Variants in RELA observed in about 807,000 individuals in gnomAD.
RELA encodes the protein RELA proto-oncogene, NF-kB subunit.
A neutral mutation model predicts 56.7 loss-of-function variants in RELA; 14 were observed. The observed-to-expected ratio is 0.25, with a 90% CI of 0.16 to 0.39. The LOEUF (loss-of-function observed/expected upper bound fraction) is 0.39. Among genes scored for constraint, RELA ranks in the 10% least tolerant of loss-of-function variants. RELA has a pLI of 1.00. For synonymous variants in RELA, 315 were observed against 289.7 expected, an observed-to-expected ratio of 1.09 and a Z score of -0.89; for missense variants, 559 against 736.4, an observed-to-expected ratio of 0.76 and a Z score of 2.79.
In RELA at chr11:65,658,370, G is replaced by A; in HGVS notation, c.794C>T (p.Pro265Leu). 1 of 1,613,886 alleles carries A rather than the reference G, an allele frequency of 6.2e-7. No individual in the cohort carries two copies. The highest frequency in any genetic ancestry group is 8.5e-7 in the Non-Finnish European group (1 of 1,179,936). Residue 265 changes from proline (P) to leucine (L), a missense_variant, in exon 8 of 11, where the codon CCT (proline) becomes CTT (leucine). Transcript: ENST00000406246. This position sits in a 1 kb window ranked among gnomAD's most constrained non-coding sequence, Gnocchi z 4.5. ...PPYADPSLQA[P>L]VRVSMQLRRP... is the part of the protein sequence containing the mutation. Reference sequence around the variant, plus strand: ...CCGCAGCTGCATGGAGACACGCACAGGAGCCTGCAGGCTGGGGTCTGCGTA... The same window carrying A: ...CCGCAGCTGCATGGAGACACGCACAAGAGCCTGCAGGCTGGGGTCTGCGTA...
chr11:65,654,950 C>A lies in RELA; in HGVS notation c.1084G>T (p.Glu362Ter). The change falls in exon 11 of 11, where the codon GAG becomes TAG. Residue 362 changes from glutamate (E) to a stop codon, truncating the protein, a stop_gained. Coordinates refer to ENST00000406246, the MANE Select transcript of RELA (RefSeq NM_021975.4). LOFTEE classifies it high-confidence loss of function. ...GAAGGAAACACCATGGTGGGAAACT[C>A]ATCATAGTTGATGGTGCTCAGGGAT... ...TSSLSTINYDEFPTMVFPSGQ... is the reference protein window; with the variant it reads ...TSSLSTINYD 6.2e-7 allele frequency: 1 copy of A among 1,604,496 alleles called. No homozygotes were observed. The highest frequency in any genetic ancestry group is 1.7e-5 in the Admixed American group (1 of 58,104).
chr11:65,655,137 C>T lies in RELA; in HGVS notation c.1034-137G>A, dbSNP rs1856389761. 4.2e-6 allele frequency: 3 copies of T among 714,790 alleles called. No individual in the cohort carries two copies. The South Asian group carries it at 5.3e-5, about 13-fold the overall frequency. The allele number at this position is 714,790 out of a possible 1,614,324, so 44.3% of individuals were successfully genotyped here. ...GTCACTGCCAACACCCTATCTCCTT[C>T]CTCTTACCCCATCTGACCCAGCCTG... On this transcript the variant is annotated intron_variant, in intron 10 of 10. Transcript: ENST00000406246.
chr11:65,658,987 A>C lies in RELA; in HGVS notation c.560-165T>G, dbSNP rs1856497373. 6.6e-6 allele frequency among the ~76,000 whole-genome samples: 1 copy of C among 152,154 alleles called. No homozygotes were observed. Among genetic ancestry groups the C allele is most frequent in the Admixed American group, 6.5e-5 (1 of 15,268 alleles). ...GACCTTCTTATTAGCTCCTCACCCCAACCGATTCAACAAGTATTTGCCTAC... is the reference window on the plus strand; with the variant it reads ...GACCTTCTTATTAGCTCCTCACCCCCACCGATTCAACAAGTATTTGCCTAC... On this transcript the variant is annotated intron_variant, in intron 6 of 10. Coordinates refer to ENST00000406246, the MANE Select transcript of RELA (RefSeq NM_021975.4). This position sits in a 1 kb window ranked among gnomAD's most constrained non-coding sequence, Gnocchi z 4.5.
At chr11:65,661,649 C>T in intron 4 of RELA, 38 bp downstream of exon 4, 3 of 1,531,078 alleles carry the variant, frequency 2.0e-6, no homozygotes, top group South Asian at 1.2e-5. Flanking sequence ...CGCCTCCTGT[C>T]CCCTCATGCT....
At position 65,654,438 on chromosome 11, in the gene RELA, T is replaced by A. The variant is rs754755213; in HGVS notation, c.1596A>T (p.Glu532Asp). 61 of 1,610,746 alleles carry A rather than the reference T, an allele frequency of 3.8e-5. No homozygotes were observed. The highest frequency in any genetic ancestry group is 5.2e-5 in the Non-Finnish European group (61 of 1,178,688). Reference protein sequence around the residue: ...GLPNGLLSGDEDFSSIADMDF... With the variant: ...GLPNGLLSGDDDFSSIADMDF... ...CCATGTCCGCAATGGAGGAGAAGTC[T>A]TCATCTCCTGAAAGGAGGCCATTGG... Residue 532 changes from glutamate (E) to aspartate (D), a missense_variant, in exon 11 of 11, where the codon GAA (glutamate) becomes GAT (aspartate). By Grantham distance (45) the Glu-to-Asp change is conservative. Transcript: ENST00000406246.
In RELA at chr11:65,661,674, G is replaced by A. The variant is rs1312554893; in HGVS notation, c.335+13C>T. The A allele has an allele frequency of 1.3e-6, 2 of 1,567,036 alleles. No individual in the cohort carries two copies. The highest frequency in any genetic ancestry group is 8.7e-7 in the Non-Finnish European group (1 of 1,152,876). Reference sequence around the variant, plus strand: ...CCCCTCATGCTGGGCCTCCTAGCCTGCAGGGACCTCACCTGTGGATGCAGC... The same window carrying A: ...CCCCTCATGCTGGGCCTCCTAGCCTACAGGGACCTCACCTGTGGATGCAGC... On this transcript the variant is annotated intron_variant, in intron 4 of 10. Coordinates refer to ENST00000406246, the MANE Select transcript of RELA (RefSeq NM_021975.4).
chr11:65,663,256 G>C (rs1013982901), upstream of RELA, among the ~76,000 whole-genome samples: 6 of 152,048 alleles, frequency 3.9e-5, no homozygotes, highest in Non-Finnish European at 7.4e-5. Flanking sequence ...AGCAAAGCCA[G>C]GGCTACTGGG....
intron 10 of RELA, 74 bp from the exon 11 acceptor site, chr11:65,655,074 CCT>C: frequency 8.3e-7 from 1 of 1,206,496 alleles, no homozygotes; most frequent in Admixed American, 2.0e-5. Context: ...TACCCCAGCC[CCT>C]CTTCATGGTG....
At position 65,653,982 on chromosome 11, in the gene RELA, C is replaced by T. The variant is rs1397931858; in HGVS notation, c.*396G>A. 1 of 310,500 alleles carries T rather than the reference C, an allele frequency of 3.2e-6. No individual in the cohort carries two copies. The highest frequency in any genetic ancestry group is 6.2e-6 in the Non-Finnish European group (1 of 161,822). The allele number at this position is 310,500 out of a possible 1,614,324, so 19.2% of individuals were successfully genotyped here. On this transcript the variant is annotated 3_prime_UTR_variant, in exon 11 of 11. Coordinates refer to ENST00000406246, the MANE Select transcript of RELA (RefSeq NM_021975.4). ...TTATTTTGATTAAGCTGTAATGAAT[C>T]CATGATGGAAGACACTTGATAAGGC...
chr11:65,660,398 GTGCCCC>G (rs1193382992), intron 4 of RELA, 183 bp from the exon 5 acceptor site: 1 of 617,198 alleles, frequency 1.6e-6, no homozygotes, highest in Non-Finnish European at 2.9e-6. Flanking sequence ...AAGCACCTCC[GTGCCCC>G]TGCCCCTGCC....
At position 65,655,928 on chromosome 11, in the gene RELA, A is replaced by T; in HGVS notation, c.885T>A (p.Arg295=). ...TTTTACGTTTCTCCTCAATCCGGTG[A>T]CGATCGTCTGGGAAAGTAAGGGGGA... ...EFQYLPDTDD[R]HRIEEKRKRT... is the part of the protein sequence containing the mutation. Residue 295 remains arginine (R), a synonymous_variant, in exon 9 of 11, where the codon CGT becomes CGA. Coordinates refer to ENST00000406246, the MANE Select transcript of RELA (RefSeq NM_021975.4). 1 of 1,613,980 alleles carries T rather than the reference A, an allele frequency of 6.2e-7. No homozygotes were observed. The highest frequency in any genetic ancestry group is 1.3e-5 in the African/African-American group (1 of 74,984).
intron 8 of RELA, 109 bp from the exon 9 acceptor site, chr11:65,656,044 T>C (rs1267348929): frequency 2.3e-6 from 2 of 881,850 alleles, no homozygotes; most frequent in East Asian, 5.0e-5. Flanking sequence ...CCAAGACCCA[T>C]TCTCCCAACC....
At chr11:65,662,325 G>T in intron 1 of RELA, 120 bp from the exon 2 acceptor site, 1 of 1,231,792 alleles carries the variant, frequency 8.1e-7, no homozygotes, top group Non-Finnish European at 1.1e-6. Context: ...GTCAGGACCT[G>T]CTCCCTAGAA....
rs374605673 is a variant in RELA, at chr11:65,655,933, C to G, written c.880G>C (p.Asp294His). 1 of 1,614,038 alleles carries G rather than the reference C, an allele frequency of 6.2e-7. No individual in the cohort carries two copies. Residue 294 changes from aspartate (D) to histidine (H), a missense_variant and splice_region_variant, in exon 9 of 11, where the codon GAT (aspartate) becomes CAT (histidine). Transcript: ENST00000406246. ...MEFQYLPDTD[D>H]RHRIEEKRKR... Reference sequence around the variant, plus strand: ...CGTTTCTCCTCAATCCGGTGACGATCGTCTGGGAAAGTAAGGGGGAGAAGT... The same window carrying G: ...CGTTTCTCCTCAATCCGGTGACGATGGTCTGGGAAAGTAAGGGGGAGAAGT...
At position 65,659,814 on chromosome 11, in the gene RELA, CG is replaced by C. The variant is rs1856519193; in HGVS notation, c.428-18del. 1 of 1,603,288 alleles carries C rather than the reference CG, an allele frequency of 6.2e-7. No homozygotes were observed. Among genetic ancestry groups the C allele is most frequent in the Admixed American group, 1.7e-5 (1 of 58,798 alleles). On this transcript the variant is annotated intron_variant, in intron 5 of 10. Coordinates refer to ENST00000406246, the MANE Select transcript of RELA (RefSeq NM_021975.4). ...CTATAGGAACTGCCAAGAAAACAGG[CG>C]ATCAGGAGAGCAGGGGAAGTGGGGA... is the stretch of plus-strand genomic sequence containing the variant.
Position 65,654,793 on chromosome 11 carries a change from GCTAGGA to G in RELA, c.1235_1240del (p.Val412_Leu413del), listed in dbSNP as rs1191142825. The stretch of plus-strand genomic sequence containing the variant: ...GGCCACAGCCTGAGGAGGGCCTGGG[GCTAGGA>G]CTGGGACAGGGGCTGGGGCCTGGGC... On this transcript the variant is annotated inframe_deletion, in exon 11 of 11. Coordinates refer to ENST00000406246, the MANE Select transcript of RELA (RefSeq NM_021975.4). 10 of 1,522,266 alleles carry G rather than the reference GCTAGGA, an allele frequency of 6.6e-6. No homozygotes were observed. Among genetic ancestry groups the G allele is most frequent in the Non-Finnish European group, 8.8e-6 (10 of 1,132,714 alleles). 94.3% of individuals were successfully genotyped at this position (1,522,266 alleles called of 1,614,324 possible). A position where few individuals can be genotyped will look rare whatever the true frequency, so the allele number is the denominator to read the frequency against.
intron 1 of RELA, chr11:65,662,489 C>T: frequency 2.1e-6 from 1 of 476,456 alleles, no homozygotes; most frequent in Non-Finnish European, 3.7e-6. Flanking sequence ...GCCCCACCTC[C>T]CTCCAGAGAG....
In RELA at chr11:65,654,291, A is replaced by C; in HGVS notation, c.*87T>G. 6.4e-7 allele frequency: 1 copy of C among 1,567,922 alleles called. No homozygotes were observed. The highest frequency in any genetic ancestry group is 8.8e-7 in the Non-Finnish European group (1 of 1,142,362). The stretch of plus-strand genomic sequence containing the variant: ...CATCCACAAAGTTGGGGGCAGTTGG[A>C]ACACACCCCACCAGAATCCGTAAGT... On this transcript the variant is annotated 3_prime_UTR_variant, in exon 11 of 11. Transcript: ENST00000406246.
chr11:65,660,093 G>A (rs770770733), intron 5 of RELA, 31 bp downstream of exon 5: 9 of 1,594,958 alleles, frequency 5.6e-6, no homozygotes, highest in African/African-American at 1.3e-5. Context: ...GTGACAGAGG[G>A]TGCGGGTGTG....
Sources: gnomAD v4.1 joint callset for allele counts (sites outside exome capture counted in the v4.1 genomes callset) on GRCh38, gnomAD v4.1.1 for gene constraint, Gnocchi (gnomAD v3.1) non-coding constraint, MANE v1.5 for transcripts, NCBI Gene and HGNC (gene_info 2026-07-23, HGNC 2026-07-21) for gene names.